MACROD2: variants seen among roughly 807,000 people sequenced by gnomAD.
MACROD2 encodes the protein mono-ADP ribosylhydrolase 2.
Under a neutral mutation model 70.4 loss-of-function variants are expected in MACROD2, and 36 were observed. The ratio of observed to expected loss-of-function variants is 0.51; its 90% confidence interval spans 0.39 to 0.68. MACROD2 has a LOEUF of 0.68. Among genes scored for constraint, MACROD2 ranks in the 30% least tolerant of loss-of-function variants. MACROD2 has a pLI of 0.00. For synonymous variants in MACROD2, 172 were observed against 178.8 expected, an observed-to-expected ratio of 0.96 and a Z score of 0.30; for missense variants, 496 against 538.4, an observed-to-expected ratio of 0.92 and a Z score of 0.78.
intron 5 of MACROD2, among the ~76,000 whole-genome samples, chr20:14,746,919 A>G (rs141398273): frequency 2.9e-3 from 436 of 152,270 alleles, no homozygotes; most frequent in Non-Finnish European, 4.4e-3. Context: ...TCAGTCCCTC[A>G]TCTTACAAAC....
intron 4 of MACROD2, among the ~76,000 whole-genome samples, chr20:14,665,069 G>A (rs537466384): frequency 6.6e-6 from 1 of 152,088 alleles, no homozygotes; most frequent in Non-Finnish European, 1.5e-5. Flanking sequence ...TCTGACATTA[G>A]GGCAAAGAAC....
intron 5 of MACROD2, among the ~76,000 whole-genome samples, chr20:14,934,589 C>T (rs1600845907): frequency 6.6e-6 from 1 of 152,232 alleles, no homozygotes; most frequent in East Asian, 1.9e-4. Flanking sequence ...GAGTTCGAGA[C>T]CAGCCTGGCC....
chr20:14,988,464 G>A (rs1600914198), intron 5 of MACROD2, among the ~76,000 whole-genome samples: 3 of 152,050 alleles, frequency 2.0e-5, no homozygotes, highest in South Asian at 4.2e-4. Context: ...TGCCCAAGGC[G>A]AGGTTTAAAT....
In MACROD2 at chr20:14,910,217, T is replaced by C. The variant is rs1008347652; in HGVS notation, c.418+225258T>C. ...CCTGATCATATTTTCCTCTCTATTC[T>C]TATATCAGAGTTAAAAGAATGTTGG... On this transcript the variant is annotated intron_variant, in intron 5 of 17. Coordinates refer to ENST00000684519, the MANE Select transcript of MACROD2 (RefSeq NM_001351661.2). Among the ~76,000 whole-genome samples, 4 of 152,202 alleles carry C rather than the reference T, an allele frequency of 2.6e-5. No homozygotes were observed. The South Asian group carries it at 8.3e-4, about 32-fold the overall frequency.
At chr20:15,758,280 C>T (rs2051379188) in intron 8 of MACROD2, among the ~76,000 whole-genome samples, 1 of 147,446 alleles carries the variant, frequency 6.8e-6, no homozygotes, top group African/African-American at 2.5e-5. Context: ...GCTTTGTTGC[C>T]CAGGCTGGAG....
At chr20:15,451,417 TAA>T (rs35308671) in intron 7 of MACROD2, among the ~76,000 whole-genome samples, 69 of 83,374 alleles carry the variant, frequency 8.3e-4, no homozygotes, top group African/African-American at 3.0e-3. Flanking sequence ...GGGTGGTAAA[TAA>T]AAAAAAAAAA....
intron 5 of MACROD2, among the ~76,000 whole-genome samples, chr20:15,168,417 C>G (rs952031383): frequency 5.3e-5 from 8 of 150,728 alleles, no homozygotes; most frequent in African/African-American, 2.0e-4. Context: ...AGCTAAAAGC[C>G]TCTTCCTCTC....
chr20:14,798,561 G>T (rs1207010298), intron 5 of MACROD2, among the ~76,000 whole-genome samples: 1 of 151,974 alleles, frequency 6.6e-6, no homozygotes, highest in African/African-American at 2.4e-5. Flanking sequence ...GAACCTTAAT[G>T]GTTGTGTAGC....
chr20:15,663,247 T>G (rs2146820553), intron 8 of MACROD2, among the ~76,000 whole-genome samples: 1 of 150,788 alleles, frequency 6.6e-6, no homozygotes, highest in East Asian at 2.0e-4. Flanking sequence ...TTTTTTTTTT[T>G]TTTTTTGAGA....
At chr20:14,466,625 T>C (rs2084454051) in intron 3 of MACROD2, among the ~76,000 whole-genome samples, 1 of 152,138 alleles carries the variant, frequency 6.6e-6, no homozygotes, top group Non-Finnish European at 1.5e-5. Context: ...TTTTAGAGTT[T>C]CCGGTTTTTC....
At chr20:15,583,295 A>G (rs944120454) in intron 8 of MACROD2, among the ~76,000 whole-genome samples, 1 of 152,220 alleles carries the variant, frequency 6.6e-6, no homozygotes, top group Non-Finnish European at 1.5e-5. Flanking sequence ...AAGACTACAT[A>G]AAGAAATGTG....
At chr20:14,597,609 C>A (rs1396253383) in intron 4 of MACROD2, among the ~76,000 whole-genome samples, 1 of 152,088 alleles carries the variant, frequency 6.6e-6, no homozygotes, top group African/African-American at 2.4e-5. Flanking sequence ...GGCTAGTTGG[C>A]TGAAATGAAA....
intron 8 of MACROD2, among the ~76,000 whole-genome samples, chr20:15,733,570 T>G (rs1024622197): frequency 6.6e-6 from 1 of 152,194 alleles, no homozygotes; most frequent in Admixed American, 6.5e-5. Context: ...AATTTTTATT[T>G]ACTTTAAAAT....
intron 12 of MACROD2, among the ~76,000 whole-genome samples, chr20:15,963,121 T>C (rs1426265956): frequency 6.6e-6 from 1 of 152,206 alleles, no homozygotes; most frequent in Non-Finnish European, 1.5e-5. Context: ...GATAAATGTT[T>C]TGCATAGTAT....
At chr20:14,466,510 A>T (rs1470920250) in intron 3 of MACROD2, among the ~76,000 whole-genome samples, 2 of 151,940 alleles carry the variant, frequency 1.3e-5, no homozygotes. Context: ...TAGTTTGATC[A>T]TCTGAAACCT....
chr20:14,062,018 A>T (rs1468795233), intron 2 of MACROD2, among the ~76,000 whole-genome samples: 1 of 152,172 alleles, frequency 6.6e-6, no homozygotes, highest in East Asian at 1.9e-4. Flanking sequence ...ACTATTTTAG[A>T]GATTAAAGAA....
chr20:14,256,592 C>T (rs1026378209), intron 3 of MACROD2, among the ~76,000 whole-genome samples: 6 of 152,094 alleles, frequency 3.9e-5, no homozygotes, highest in Non-Finnish European at 8.8e-5. Context: ...GCCATCAAAA[C>T]TTGAGATTAT....
At chr20:14,671,079 T>C (rs1016085625) in intron 4 of MACROD2, among the ~76,000 whole-genome samples, 4 of 152,286 alleles carry the variant, frequency 2.6e-5, no homozygotes, top group African/African-American at 9.6e-5. Context: ...AAATGTACAT[T>C]CTAAATTGGG....
intron 6 of MACROD2, among the ~76,000 whole-genome samples, chr20:15,270,345 A>ATGCAGAATG (rs1400956746): frequency 4.6e-5 from 7 of 152,192 alleles, no homozygotes; most frequent in African/African-American, 1.4e-4. Context: ...TGAAGGTATT[A>ATGCAGAATG]TGCAGAATGA....
Sources: allele counts gnomAD v4.1 joint callset (sites outside exome capture counted in the v4.1 genomes callset), GRCh38; gene constraint gnomAD v4.1.1; transcripts MANE v1.5; gene names NCBI Gene and HGNC (gene_info 2026-07-23, HGNC 2026-07-21).